The following SLC44A5 variants were observed in gnomAD, a reference collection of about 807,000 sequenced individuals.
The protein encoded by SLC44A5 is choline transporter-like protein 5.
A neutral mutation model predicts 101.8 loss-of-function variants in SLC44A5; 57 were observed. The ratio of observed to expected loss-of-function variants is 0.56; its 90% CI spans 0.45 to 0.70. The LOEUF (loss-of-function observed/expected upper bound fraction) is 0.70, where lower values mean the gene tolerates loss of function less well. Ranked by LOEUF, SLC44A5 falls within the 30% of genes least tolerant of loss-of-function variation. The probability of loss-of-function intolerance (pLI) is 0.00; values close to 1 mark genes in which losing one functional copy is unlikely to be tolerated. For missense variants in SLC44A5, 737 were observed against 853.1 expected (o/e 0.86, Z 1.70); for synonymous variants, 281 against 290.9 (o/e 0.97, Z 0.35).
the SLC44A5 span, chr1:75,642,177 A>G: frequency 4.6e-6 from 3 of 648,776 alleles, no homozygotes; most frequent in Non-Finnish European, 7.7e-6. Context: ...CATTCTCCTT[A>G]TGTTAGCTGA....
chr1:75,672,295 G>T, the SLC44A5 span, among the ~76,000 whole-genome samples: 1 of 152,104 alleles, frequency 6.6e-6, no homozygotes, highest in Non-Finnish European at 1.5e-5. Flanking sequence ...ACTTTGGGGA[G>T]GGAAAGCACA....
chr1:75,664,944 A>C, the SLC44A5 span, among the ~76,000 whole-genome samples: 1 of 136,800 alleles, frequency 7.3e-6, no homozygotes, highest in African/African-American at 2.6e-5. Flanking sequence ...AAAAAAAAAA[A>C]AGAAATCACA....
At chr1:75,621,888 T>A in the SLC44A5 span, among the ~76,000 whole-genome samples, 1 of 152,106 alleles carries the variant, frequency 6.6e-6, no homozygotes, top group Admixed American at 6.5e-5. Flanking sequence ...TTCTGGCACT[T>A]ACAGACTCAA....
intron 10 of SLC44A5, among the ~76,000 whole-genome samples, chr1:75,237,272 G>T (rs141875946): frequency 1.3e-5 from 2 of 152,054 alleles, no homozygotes; most frequent in Non-Finnish European, 2.9e-5. Flanking sequence ...ATAGCTGCAC[G>T]CAGAGAGAAC....
At chr1:75,420,465 C>T (rs1663935355) in intron 2 of SLC44A5, among the ~76,000 whole-genome samples, 1 of 152,068 alleles carries the variant, frequency 6.6e-6, no homozygotes, top group African/African-American at 2.4e-5. Context: ...AAACCCAACT[C>T]CACTGATAAT....
At chr1:75,560,585 C>G (rs1672466158) in intron 1 of SLC44A5, among the ~76,000 whole-genome samples, 1 of 152,130 alleles carries the variant, frequency 6.6e-6, no homozygotes, top group African/African-American at 2.4e-5. Context: ...ACTGGTATAG[C>G]ATGGGAATTA....
intron 1 of SLC44A5, among the ~76,000 whole-genome samples, chr1:75,545,363 G>C (rs1468129127): frequency 6.6e-6 from 1 of 152,112 alleles, no homozygotes; most frequent in Non-Finnish European, 1.5e-5. Context: ...AATCCTTTGG[G>C]TATATACCCA....
the SLC44A5 span, among the ~76,000 whole-genome samples, chr1:75,687,455 C>G: frequency 0.22 from 33,411 of 151,968 alleles, 5,062 homozygotes; most frequent in East Asian, 0.67. Context: ...AGGCGCCCAC[C>G]AACACGCCTG....
At chr1:75,675,902 GC>G in the SLC44A5 span, among the ~76,000 whole-genome samples, 1 of 152,072 alleles carries the variant, frequency 6.6e-6, no homozygotes, top group East Asian at 1.9e-4. Context: ...ATGAACAGAT[GC>G]TTTTCAAAAC....
chr1:75,642,352 T>C, the SLC44A5 span, among the ~76,000 whole-genome samples: 1 of 152,082 alleles, frequency 6.6e-6, no homozygotes, highest in African/African-American at 2.4e-5. Flanking sequence ...CTTTCTTGAG[T>C]TGATACAGCA....
At chr1:75,398,480 A>T (rs1002527846) in intron 2 of SLC44A5, 8 of 767,914 alleles carry the variant, frequency 1.0e-5, no homozygotes, top group Non-Finnish European at 1.3e-5. Flanking sequence ...TTCACAGATG[A>T]AGTTAAATCC....
chr1:75,322,049 C>T (rs943053479), intron 4 of SLC44A5, among the ~76,000 whole-genome samples: 1 of 152,130 alleles, frequency 6.6e-6, no homozygotes, highest in Non-Finnish European at 1.5e-5. Context: ...TGTGGTGGCT[C>T]ACGTCTGGAA....
intron 4 of SLC44A5, among the ~76,000 whole-genome samples, chr1:75,308,267 G>T (rs895418367): frequency 1.3e-5 from 2 of 152,112 alleles, no homozygotes; most frequent in African/African-American, 2.4e-5. Flanking sequence ...GATCTTAAAA[G>T]CTTCTCTATC....
At chr1:75,698,067 G>C in the SLC44A5 span, among the ~76,000 whole-genome samples, 1 of 152,240 alleles carries the variant, frequency 6.6e-6, no homozygotes, top group Non-Finnish European at 1.5e-5. Context: ...GTGGCAGTGA[G>C]GCTGGGAGAG....
intron 2 of SLC44A5, among the ~76,000 whole-genome samples, chr1:75,472,120 A>G (rs572415156): frequency 1.4e-4 from 21 of 150,426 alleles, no homozygotes; most frequent in East Asian, 1.2e-3. Context: ...CTGGGTGTTT[A>G]TTCTTCTTCT....
At chr1:75,616,580 G>A in the SLC44A5 span, among the ~76,000 whole-genome samples, 6 of 152,216 alleles carry the variant, frequency 3.9e-5, no homozygotes, top group East Asian at 1.2e-3. Flanking sequence ...ACCCGGCCCA[G>A]GAGCCGTCCT....
At chr1:75,702,729 A>G in the SLC44A5 span, among the ~76,000 whole-genome samples, 1,366 of 152,336 alleles carry the variant, frequency 9.0e-3, 24 homozygotes, top group African/African-American at 0.031. Context: ...GGCCACCTAC[A>G]GAATGGGAGA....
intron 4 of SLC44A5, among the ~76,000 whole-genome samples, chr1:75,330,252 A>C (rs1369893181): frequency 2.6e-5 from 4 of 151,366 alleles, no homozygotes; most frequent in African/African-American, 9.7e-5. Context: ...CATTCCCAAA[A>C]TGTGTGCTGC....
chr1:75,456,402 T>C (rs1666191129), intron 2 of SLC44A5, among the ~76,000 whole-genome samples: 1 of 152,162 alleles, frequency 6.6e-6, no homozygotes, highest in African/African-American at 2.4e-5. Context: ...GGCATTATGC[T>C]CAGTACCTGG....
Sources: allele counts gnomAD v4.1 joint callset (sites outside exome capture counted in the v4.1 genomes callset), GRCh38; gene constraint gnomAD v4.1.1; transcripts MANE v1.5; gene names NCBI Gene and HGNC (gene_info 2026-07-23, HGNC 2026-07-21).